The following TENM3 variants were observed in gnomAD, a reference collection of about 807,000 sequenced individuals.
The protein encoded by TENM3 is teneurin transmembrane protein 3.
A neutral mutation model predicts 255.1 loss-of-function variants in TENM3; 63 were observed. That is an observed-to-expected ratio of 0.25 (90% CI 0.20 to 0.30). The LOEUF (loss-of-function observed/expected upper bound fraction) is 0.30, where lower values mean the gene tolerates loss of function less well. Ranked by LOEUF, TENM3 falls within the 10% of genes least tolerant of loss-of-function variation. The pLI is 1.00. For missense variants in TENM3, 2,929 were observed against 3,461.1 expected (o/e 0.85, Z 3.86); for synonymous variants, 1,306 against 1,322.3 (o/e 0.99, Z 0.27).
At chr4:181,481,826 A>T in the TENM3 span, among the ~76,000 whole-genome samples, 1 of 152,200 alleles carries the variant, frequency 6.6e-6, no homozygotes, top group Non-Finnish European at 1.5e-5. Context: ...TAAGTGCTCA[A>T]TAAAGGTGAA....
chr4:181,522,894 G>A, the TENM3 span: 1 of 964,608 alleles, frequency 1.0e-6, no homozygotes, highest in South Asian at 1.3e-5. Context: ...GATGATAGCA[G>A]TTGTTGCTGG....
chr4:181,669,210 A>G, the TENM3 span, among the ~76,000 whole-genome samples: 2 of 152,196 alleles, frequency 1.3e-5, no homozygotes, highest in Non-Finnish European at 2.9e-5. Flanking sequence ...TTGAAGACTC[A>G]CTACATGTGG....
At chr4:181,548,940 G>A in the TENM3 span, among the ~76,000 whole-genome samples, 1 of 152,176 alleles carries the variant, frequency 6.6e-6, no homozygotes, top group Non-Finnish European at 1.5e-5. Flanking sequence ...GGTAAAAACA[G>A]AAGGTAACTG....
the TENM3 span, among the ~76,000 whole-genome samples, chr4:181,670,218 A>G: frequency 6.6e-6 from 1 of 152,188 alleles, no homozygotes; most frequent in Admixed American, 6.5e-5. Flanking sequence ...GTAATATTTA[A>G]TGGAAACTGC....
chr4:181,766,069 G>T, the TENM3 span, among the ~76,000 whole-genome samples: 2 of 152,148 alleles, frequency 1.3e-5, no homozygotes, highest in African/African-American at 2.4e-5. Context: ...GAAAGCGTGT[G>T]AACTGAGGCT....
At chr4:181,852,567 C>T in the TENM3 span, among the ~76,000 whole-genome samples, 2 of 152,186 alleles carry the variant, frequency 1.3e-5, no homozygotes, top group African/African-American at 4.8e-5. Flanking sequence ...TGTGGAAGCA[C>T]TTGTAATACA....
At chr4:182,113,136 G>A in the TENM3 span, among the ~76,000 whole-genome samples, 8 of 152,212 alleles carry the variant, frequency 5.3e-5, no homozygotes, top group South Asian at 6.2e-4. Flanking sequence ...CAAAATAGTC[G>A]GTGCAGTTTA....
At chr4:182,067,847 T>C in the TENM3 span, among the ~76,000 whole-genome samples, 1 of 152,190 alleles carries the variant, frequency 6.6e-6, no homozygotes, top group African/African-American at 2.4e-5. Context: ...TACCATTAAC[T>C]GGCAGTCTGA....
At chr4:182,398,199 T>C (rs960135956) in intron 3 of TENM3, among the ~76,000 whole-genome samples, 1 of 152,120 alleles carries the variant, frequency 6.6e-6, no homozygotes, top group Non-Finnish European at 1.5e-5. Context: ...TGCTGGATCC[T>C]TTACGTGTTA....
intron 1 of TENM3, among the ~76,000 whole-genome samples, chr4:182,227,084 A>C (rs1756207841): frequency 6.6e-6 from 1 of 152,072 alleles, no homozygotes; most frequent in Non-Finnish European, 1.5e-5. Context: ...TGAATTTGTA[A>C]ATTCAGTTAC....
the TENM3 span, among the ~76,000 whole-genome samples, chr4:181,905,225 T>C: frequency 6.6e-6 from 1 of 152,234 alleles, no homozygotes; most frequent in African/African-American, 2.4e-5. Flanking sequence ...CATAATTATA[T>C]ATATTTAAGT....
intron 3 of TENM3, among the ~76,000 whole-genome samples, chr4:182,484,250 T>G (rs1166175677): frequency 6.6e-6 from 1 of 152,056 alleles, no homozygotes; most frequent in Non-Finnish European, 1.5e-5. Flanking sequence ...TTACAAGAAA[T>G]GAGGTGAAAA....
the TENM3 span, among the ~76,000 whole-genome samples, chr4:181,957,111 C>T: frequency 6.6e-6 from 1 of 152,088 alleles, no homozygotes; most frequent in African/African-American, 2.4e-5. Flanking sequence ...CGGCAGGATT[C>T]GATGTCAATG....
intron 3 of TENM3, among the ~76,000 whole-genome samples, chr4:182,600,101 T>C (rs1327938974): frequency 6.6e-6 from 1 of 152,254 alleles, no homozygotes; most frequent in African/African-American, 2.4e-5. Flanking sequence ...AGACTCTTTA[T>C]GATTCTGGTT....
intron 1 of TENM3, among the ~76,000 whole-genome samples, chr4:182,247,637 G>A (rs892336031): frequency 1.3e-5 from 2 of 152,212 alleles, no homozygotes; most frequent in African/African-American, 4.8e-5. Context: ...TCTCTGGCAA[G>A]TACCTGCGGG....
the TENM3 span, among the ~76,000 whole-genome samples, chr4:181,589,467 TGTG>T: frequency 6.6e-6 from 1 of 152,282 alleles, no homozygotes; most frequent in Non-Finnish European, 1.5e-5. Context: ...TTAAAACAAT[TGTG>T]GTTCAAAACA....
chr4:181,710,848 C>A, the TENM3 span, among the ~76,000 whole-genome samples: 12,806 of 145,880 alleles, frequency 0.088, 613 homozygotes, highest in African/African-American at 0.13. Flanking sequence ...CGCGCCCGGC[C>A]GAGACTCCAT....
chr4:182,263,060 T>C (rs1217288454), intron 1 of TENM3, among the ~76,000 whole-genome samples: 1 of 152,116 alleles, frequency 6.6e-6, no homozygotes, highest in African/African-American at 2.4e-5. Context: ...GAAGCCTCTC[T>C]TGGGGTCTGG....
At chr4:182,708,913 A>G (rs1002247692) in intron 12 of TENM3, among the ~76,000 whole-genome samples, 3 of 152,156 alleles carry the variant, frequency 2.0e-5, no homozygotes, top group Admixed American at 2.0e-4. Context: ...AAGGTAAATA[A>G]TTGAAACTCC....
Sources: gnomAD v4.1 joint callset for allele counts (sites outside exome capture counted in the v4.1 genomes callset) on GRCh38, gnomAD v4.1.1 for gene constraint, MANE v1.5 for transcripts, NCBI Gene and HGNC (gene_info 2026-07-23, HGNC 2026-07-21) for gene names.